The following PKNOX2 variants were observed in gnomAD, a reference collection of about 807,000 sequenced individuals.
The protein encoded by PKNOX2 is homeobox protein PKNOX2.
A neutral mutation model predicts 53.1 loss-of-function variants in PKNOX2; 14 were observed. That is an observed-to-expected ratio of 0.26 (90% CI 0.17 to 0.41). The LOEUF (loss-of-function observed/expected upper bound fraction) is 0.41, where lower values mean the gene tolerates loss of function less well. Among genes scored for constraint, PKNOX2 ranks in the 10% least tolerant of loss-of-function variants. PKNOX2 has a pLI of 1.00. For synonymous variants in PKNOX2, 257 were observed against 242.8 expected, an observed-to-expected ratio of 1.06 and a Z score of -0.54; for missense variants, 496 against 602.8, an observed-to-expected ratio of 0.82 and a Z score of 1.85.
intron 2 of PKNOX2, among the ~76,000 whole-genome samples, chr11:125,298,684 T>C (rs1947820323): frequency 6.6e-6 from 1 of 152,156 alleles, no homozygotes. Flanking sequence ...AATGAATGAA[T>C]GAATTGATGG....
chr11:125,379,121 C>T (rs905677470), intron 5 of PKNOX2, among the ~76,000 whole-genome samples: 22 of 148,802 alleles, frequency 1.5e-4, no homozygotes, highest in Admixed American at 5.4e-4. Flanking sequence ...AGTTCAGTGG[C>T]GAGATGTCGG....
At chr11:125,323,347 A>G (rs891101712) in intron 2 of PKNOX2, among the ~76,000 whole-genome samples, 2 of 152,142 alleles carry the variant, frequency 1.3e-5, no homozygotes, top group African/African-American at 2.4e-5. Context: ...CATGCCTTCC[A>G]CTTCTGAAAT....
At chr11:125,178,932 G>A (rs1030431760) in intron 1 of PKNOX2, among the ~76,000 whole-genome samples, 13 of 151,970 alleles carry the variant, frequency 8.6e-5, no homozygotes, top group African/African-American at 2.9e-4. Context: ...GGTGGCAGCC[G>A]GGACAATGAA....
At chr11:125,383,111 G>C (rs1322355828) in intron 5 of PKNOX2, among the ~76,000 whole-genome samples, 1 of 152,172 alleles carries the variant, frequency 6.6e-6, no homozygotes, top group East Asian at 1.9e-4. Flanking sequence ...AGTCTGAGTA[G>C]AAAGACTCAT....
At chr11:125,384,382 T>C (rs1953472893) in intron 5 of PKNOX2, among the ~76,000 whole-genome samples, 1 of 152,112 alleles carries the variant, frequency 6.6e-6, no homozygotes, top group South Asian at 2.1e-4. Flanking sequence ...GTTGCTGATC[T>C]CCAAGATAAA....
At chr11:125,196,256 G>C (rs1937675375) in intron 1 of PKNOX2, among the ~76,000 whole-genome samples, 1 of 152,170 alleles carries the variant, frequency 6.6e-6, no homozygotes, top group South Asian at 2.1e-4. Context: ...GGGCTGTGAG[G>C]TCTGTGCATC....
intron 3 of PKNOX2, among the ~76,000 whole-genome samples, chr11:125,343,456 A>G (rs1229375808): frequency 6.6e-6 from 1 of 152,088 alleles, no homozygotes. Context: ...CAAGTTGTAA[A>G]GTGCTTAAAG....
At chr11:125,385,412 G>T in intron 5 of PKNOX2, 139 bp from the exon 6 acceptor site, 1 of 936,920 alleles carries the variant, frequency 1.1e-6, no homozygotes. Context: ...ATTGACCATA[G>T]GGACTGGGGA....
At chr11:125,395,953 CTTT>C (rs949920113) in intron 6 of PKNOX2, among the ~76,000 whole-genome samples, 11 of 131,860 alleles carry the variant, frequency 8.3e-5, no homozygotes, top group Admixed American at 1.5e-4. Flanking sequence ...ACTGGATCAT[CTTT>C]TTTTTTTTTT....
At chr11:125,399,018 T>G (rs1027531497) in intron 7 of PKNOX2, among the ~76,000 whole-genome samples, 1 of 152,240 alleles carries the variant, frequency 6.6e-6, no homozygotes, top group African/African-American at 2.4e-5. Flanking sequence ...GAACCACCCA[T>G]GTACTCTATC....
chr11:125,178,581 G>A lies in PKNOX2; in HGVS notation c.-201+13805G>A, dbSNP rs1381962696. ...AGGAAGGAACGAAGGAAGGAAGGAAGGAAGGAAGGAAGGAAGGAAGGAAGG... is the reference window on the plus strand; with the variant it reads ...AGGAAGGAACGAAGGAAGGAAGGAAAGAAGGAAGGAAGGAAGGAAGGAAGG... On this transcript the variant is annotated intron_variant, in intron 1 of 12. Transcript: ENST00000298282. Among the ~76,000 whole-genome samples the A allele has an allele frequency of 7.7e-3, 241 of 31,310 alleles. 5 individuals carry two copies. The highest frequency in any genetic ancestry group is 0.042 in the African/African-American group (208 of 4,964). 20.5% of individuals were successfully genotyped at this position (31,310 alleles called of 152,430 possible).
intron 2 of PKNOX2, among the ~76,000 whole-genome samples, chr11:125,247,217 T>TTG (rs1943630145): frequency 1.3e-5 from 2 of 152,216 alleles, no homozygotes; most frequent in African/African-American, 2.4e-5. Flanking sequence ...CCTCTGTGCT[T>TTG]ATCCACATGA....
At position 125,240,848 on chromosome 11, in the gene PKNOX2, C is replaced by T. The variant is rs1394515284; in HGVS notation, c.-130+5733C>T. ...TTGCAGTTAGCCAGCCAAGCTGGCT[C>T]TTCAGAGAGGAAAAATTGCTCCAAA... On this transcript the variant is annotated intron_variant, in intron 2 of 12. Coordinates refer to ENST00000298282, the MANE Select transcript of PKNOX2 (RefSeq NM_001382323.2). The surrounding 1 kb of genome is among the most constrained non-coding windows in gnomAD (Gnocchi z 4.3). Among the ~76,000 whole-genome samples, 1 of 152,158 alleles carries T rather than the reference C, an allele frequency of 6.6e-6. No homozygotes were observed. Among genetic ancestry groups the T allele is most frequent in the East Asian group, 1.9e-4 (1 of 5,182 alleles).
intron 1 of PKNOX2, among the ~76,000 whole-genome samples, chr11:125,221,163 CAAA>C (rs931145249): frequency 2.6e-5 from 4 of 151,006 alleles, no homozygotes; most frequent in African/African-American, 9.9e-5. Flanking sequence ...TAAAAAAAAA[CAAA>C]ACAAAAATTG....
At chr11:125,400,991 C>T (rs1287669782) in intron 7 of PKNOX2, among the ~76,000 whole-genome samples, 2 of 151,706 alleles carry the variant, frequency 1.3e-5, no homozygotes, top group Admixed American at 1.3e-4. Context: ...CCTGTGACCC[C>T]AGCAGTGGCT....
rs542282134 is a variant in PKNOX2 at position 125,387,853 on chromosome 11, T to C, written c.399+2131T>C. ...ATGTAAATGGAGATATTTGAAAGAGTGCTATCTGAGCCTCACCACTACTGT... is the reference window on the plus strand; with the variant it reads ...ATGTAAATGGAGATATTTGAAAGAGCGCTATCTGAGCCTCACCACTACTGT... On this transcript the variant is annotated intron_variant, in intron 6 of 12. Transcript: ENST00000298282. Among the ~76,000 whole-genome samples, 305 of 152,168 alleles carry C rather than the reference T, an allele frequency of 2.0e-3. 2 individuals are homozygous for C. The highest frequency in any genetic ancestry group is 7.0e-3 in the African/African-American group (289 of 41,502).
chr11:125,194,440 G>T (rs930807157), intron 1 of PKNOX2, among the ~76,000 whole-genome samples: 2 of 152,160 alleles, frequency 1.3e-5, no homozygotes, highest in Admixed American at 6.5e-5. Flanking sequence ...CAGGCAAGGA[G>T]GTTTGTAGCT....
intron 1 of PKNOX2, among the ~76,000 whole-genome samples, chr11:125,215,211 G>A (rs1315875713): frequency 2.6e-5 from 4 of 152,140 alleles, no homozygotes; most frequent in Middle Eastern, 3.4e-3. Context: ...CCAGGAAGAC[G>A]GGGCTTAGGA....
At chr11:125,429,508 G>A in intron 11 of PKNOX2, among the ~76,000 whole-genome samples, 1 of 152,168 alleles carries the variant, frequency 6.6e-6, no homozygotes, top group South Asian at 2.1e-4. Context: ...AGAGGGAGGA[G>A]GAGTAGCCAT....
Sources: allele counts gnomAD v4.1 joint callset (sites outside exome capture counted in the v4.1 genomes callset), GRCh38; gene constraint gnomAD v4.1.1; non-coding constraint Gnocchi (gnomAD v3.1); transcripts MANE v1.5; gene names NCBI Gene and HGNC (gene_info 2026-07-23, HGNC 2026-07-21).